HADH: variants seen among roughly 807,000 people sequenced by gnomAD.
HADH encodes hydroxyacyl-CoA dehydrogenase, also known as hydroxyacyl-coenzyme A dehydrogenase, mitochondrial.
Under a neutral mutation model 32.2 loss-of-function variants are expected in HADH, and 24 were observed. The ratio of observed to expected loss-of-function variants is 0.75; its 90% confidence interval spans 0.54 to 1.05. The LOEUF is 1.05. HADH is among the 50% of genes least tolerant of loss of function. The pLI is 0.00. For synonymous variants in HADH, 139 were observed against 152.5 expected, an observed-to-expected ratio of 0.91 and a Z score of 0.65; for missense variants, 350 against 397.1, an observed-to-expected ratio of 0.88 and a Z score of 1.01.
Position 108,023,569 on chromosome 4 carries a change from AGTATGG to A in HADH, c.636+10_636+15del. ...AGCATCCTGTTTCTTGCAAGGTAAG[AGTATGG>A]GTAGCTTGGGAAGGAGGTAGTTCTT... On this transcript the variant is annotated splice_region_variant and intron_variant, in intron 5 of 7. Transcript: ENST00000309522. 6.6e-7 allele frequency: 1 copy of A among 1,514,822 alleles called. No individual in the cohort carries two copies. The highest frequency in any genetic ancestry group is 1.1e-5 in the South Asian group (1 of 89,146). 93.8% of individuals were successfully genotyped at this position (1,514,822 alleles called of 1,614,324 possible). A position where few individuals can be genotyped will look rare whatever the true frequency, so the allele number is the denominator to read the frequency against.
intron 2 of HADH, among the ~76,000 whole-genome samples, chr4:108,010,998 G>A (rs185154259): frequency 9.9e-5 from 15 of 152,106 alleles, no homozygotes; most frequent in Admixed American, 5.9e-4. Context: ...ACAGGCGCAC[G>A]CCACCACGTC....
At chr4:108,019,517 C>T in intron 3 of HADH, 23 bp from the exon 4 acceptor site, 1 of 1,608,698 alleles carries the variant, frequency 6.2e-7, no homozygotes, top group Non-Finnish European at 8.5e-7. Context: ...CTCTGATACT[C>T]CCACTATATT....
At position 107,995,263 on chromosome 4, in the gene HADH, G is replaced by A. The variant is rs186661859; in HGVS notation, c.132+5199G>A. Among the ~76,000 whole-genome samples, 199 of 152,222 alleles carry A rather than the reference G, an allele frequency of 1.3e-3. 2 individuals carry two copies. Among genetic ancestry groups the A allele is most frequent in the African/African-American group, 4.4e-3 (181 of 41,504 alleles). On this transcript the variant is annotated intron_variant, in intron 1 of 7. Coordinates refer to ENST00000309522, the MANE Select transcript of HADH (RefSeq NM_005327.7). Reference sequence around the variant, plus strand: ...TTCCTATCCTGCCTTTAGGAACCTTGGGCAAATCACTTAACTCCTCTCTGC... The same window carrying A: ...TTCCTATCCTGCCTTTAGGAACCTTAGGCAAATCACTTAACTCCTCTCTGC...
intron 1 of HADH, 109 bp downstream of exon 1, chr4:107,990,173 T>C: frequency 1.7e-6 from 2 of 1,156,806 alleles, no homozygotes; most frequent in Non-Finnish European, 2.4e-6. Flanking sequence ...CACCAGGGAG[T>C]TTTCACCCCG....
intron 3 of HADH, among the ~76,000 whole-genome samples, chr4:108,018,608 C>T (rs571530555): frequency 3.9e-4 from 60 of 152,230 alleles, no homozygotes; most frequent in African/African-American, 1.3e-3. Flanking sequence ...TTCTCTTCCT[C>T]CTCTCCTCCC....
intron 5 of HADH, chr4:108,025,903 T>C (rs557283013): frequency 6.6e-6 from 1 of 152,330 alleles, no homozygotes; most frequent in East Asian, 1.9e-4. Context: ...CTGTGTCTTT[T>C]CACATTCCAC....
At chr4:108,015,771 C>T (rs1735671224) in intron 3 of HADH, among the ~76,000 whole-genome samples, 1 of 152,180 alleles carries the variant, frequency 6.6e-6, no homozygotes, top group African/African-American at 2.4e-5. Context: ...ATGGATACTC[C>T]TATGCCAGAA....
At chr4:108,031,839 A>T (rs1167972300) in intron 6 of HADH, 1 of 152,600 alleles carries the variant, frequency 6.6e-6, no homozygotes, top group African/African-American at 2.4e-5. Flanking sequence ...CATAATGAAT[A>T]GAAGTTGAAT....
chr4:108,015,493 G>A (rs763901967), intron 3 of HADH, among the ~76,000 whole-genome samples: 4 of 152,158 alleles, frequency 2.6e-5, no homozygotes, highest in Non-Finnish European at 4.4e-5. Context: ...GTCCCTCCCT[G>A]GGCCTTGAAC....
At chr4:108,009,703 G>A (rs772564277) in intron 1 of HADH, 56 bp from the exon 2 acceptor site, 49 of 1,545,300 alleles carry the variant, frequency 3.2e-5, no homozygotes, top group Middle Eastern at 1.8e-4. Context: ...GGGTGTGTGC[G>A]CGTGCGTGTT....
intron 1 of HADH, among the ~76,000 whole-genome samples, chr4:107,993,563 A>C (rs1734873965): frequency 6.6e-6 from 1 of 152,224 alleles, no homozygotes; most frequent in African/African-American, 2.4e-5. Flanking sequence ...AGAAGGATGA[A>C]AAAATATTTA....
At chr4:108,019,471 A>G (rs1735804654) in intron 3 of HADH, 69 bp from the exon 4 acceptor site, 2 of 1,429,660 alleles carry the variant, frequency 1.4e-6, no homozygotes, top group Non-Finnish European at 2.0e-6. Flanking sequence ...TGTGCATTGC[A>G]TCCAAGAGTC....
At position 108,034,371 on chromosome 4, in the gene HADH, C is replaced by A; in HGVS notation, c.*14C>A. 1 of 1,473,920 alleles carries A rather than the reference C, an allele frequency of 6.8e-7. No homozygotes were observed. The highest frequency in any genetic ancestry group is 9.5e-7 in the Non-Finnish European group (1 of 1,052,148). 91.3% of individuals were successfully genotyped at this position (1,473,920 alleles called of 1,614,324 possible). A position where few individuals can be genotyped will look rare whatever the true frequency, so the allele number is the denominator to read the frequency against. On this transcript the variant is annotated 3_prime_UTR_variant, in exon 8 of 8. Transcript: ENST00000309522. Reference sequence around the variant, plus strand: ...AAATACAAGTGATGTGCAGCTTCTCCGGCTCTGAGAAGAACACCTGAGAGC... The same window carrying A: ...AAATACAAGTGATGTGCAGCTTCTCAGGCTCTGAGAAGAACACCTGAGAGC...
At chr4:108,003,401 C>A (rs170240) in intron 1 of HADH, among the ~76,000 whole-genome samples, 96 of 152,046 alleles carry the variant, frequency 6.3e-4, no homozygotes, top group African/African-American at 2.2e-3. Context: ...TCTTAAAGGC[C>A]GCACCTCTCA....
At position 107,989,895 on chromosome 4, in the gene HADH, T is replaced by TCTTCCCC; in HGVS notation, c.-38_-37insCTTCCCC. On this transcript the variant is annotated 5_prime_UTR_variant, in exon 1 of 8. Transcript: ENST00000309522. ...GGCTGCCCGCCTCGCGCGTCTTCCC[T>TCTTCCCC]GCCCGGGTCTCCTCGCTGTCGCCGC... 6.2e-7 allele frequency: 1 copy of TCTTCCCC among 1,605,586 alleles called. No homozygotes were observed. The highest frequency in any genetic ancestry group is 8.5e-7 in the Non-Finnish European group (1 of 1,177,326).
rs569664695 is a variant in HADH at position 108,009,724 on chromosome 4, T to C, written c.133-35T>C. ...GTGCGCGTGCGTGTTATGTTTTCTT[T>C]CTTTTAAAAAGAAATTGTTCTTTTG... On this transcript the variant is annotated intron_variant, in intron 1 of 7. Coordinates refer to ENST00000309522, the MANE Select transcript of HADH (RefSeq NM_005327.7). The C allele has an allele frequency of 3.1e-6, 5 of 1,610,260 alleles. No homozygotes were observed. The South Asian group carries it at 3.3e-5, about 11-fold the overall frequency.
At chr4:108,002,120 T>C (rs957166509) in intron 1 of HADH, among the ~76,000 whole-genome samples, 1 of 152,106 alleles carries the variant, frequency 6.6e-6, no homozygotes, top group Non-Finnish European at 1.5e-5. Context: ...TTGCCTCTTC[T>C]CCCTTCTGCC....
intron 1 of HADH, among the ~76,000 whole-genome samples, chr4:108,001,860 T>G (rs2126221703): frequency 6.6e-6 from 1 of 152,342 alleles, no homozygotes; most frequent in Non-Finnish European, 1.5e-5. Flanking sequence ...AGTTGACTGT[T>G]GGTAACTGAA....
At chr4:108,005,217 G>C in intron 1 of HADH, 1 of 236,228 alleles carries the variant, frequency 4.2e-6, no homozygotes, top group Non-Finnish European at 8.4e-6. Flanking sequence ...CCTTTTTTTG[G>C]ATGATCCTAG....
Sources: gnomAD v4.1 joint callset for allele counts (sites outside exome capture counted in the v4.1 genomes callset) on GRCh38, gnomAD v4.1.1 for gene constraint, MANE v1.5 for transcripts, NCBI Gene and HGNC (gene_info 2026-07-23, HGNC 2026-07-21) for gene names.